The following PRKG2 variants were observed in gnomAD, a reference collection of about 807,000 sequenced individuals.
PRKG2 encodes the protein cGMP-dependent protein kinase 2.
A neutral mutation model predicts 97.2 loss-of-function variants in PRKG2; 33 were observed. The ratio of observed to expected loss-of-function variants is 0.34; its 90% CI spans 0.26 to 0.45. The LOEUF (loss-of-function observed/expected upper bound fraction) is 0.45, where lower values mean the gene tolerates loss of function less well. Among genes scored for constraint, PRKG2 ranks in the 20% least tolerant of loss-of-function variants. PRKG2 has a pLI of 1.00. For synonymous variants in PRKG2, 330 were observed against 321.8 expected (o/e 1.03, Z -0.27); for missense variants, 638 against 900.0 (o/e 0.71, Z 3.73).
At chr4:81,158,442 A>ATCCAACTT (rs1749305087) in intron 6 of PRKG2, among the ~76,000 whole-genome samples, 6 of 150,256 alleles carry the variant, frequency 4.0e-5, no homozygotes, top group African/African-American at 1.5e-4. Flanking sequence ...TGCTCAAGGA[A>ATCCAACTT]ATAAAAGAGG....
At position 81,204,836 on chromosome 4, in the gene PRKG2, T is replaced by C; in HGVS notation, c.212A>G (p.Glu71Gly). ...CAGCTGGATGCACTTGTTCTGGAGC[T>C]CCTCTGTGAGTTCAGCAATGGCCAC... ...QTVAIAELTE[E>G]LQNKCIQLNK... Residue 71 changes from glutamate to glycine, a missense_variant, in exon 2 of 19, where the codon GAG becomes GGG. Coordinates refer to ENST00000264399, the MANE Select transcript of PRKG2 (RefSeq NM_006259.3). The C allele has an allele frequency of 6.2e-7, 1 of 1,614,168 alleles. No homozygotes were observed. The highest frequency in any genetic ancestry group is 8.5e-7 in the Non-Finnish European group (1 of 1,180,020).
rs574321581 is a variant in PRKG2 at position 81,135,442 on chromosome 4, C to T, written c.1635-146G>A. The T allele has an allele frequency of 2.3e-5, 17 of 736,276 alleles. No homozygotes were observed. In the Admixed American group the frequency reaches 6.1e-4, roughly 26 times the overall value. 45.6% of individuals were successfully genotyped at this position (736,276 alleles called of 1,614,324 possible). On this transcript the variant is annotated intron_variant, in intron 13 of 18. Transcript: ENST00000264399. The stretch of plus-strand genomic sequence containing the variant: ...ACAATAAAATGTATTTTATACTACC[C>T]ATGAATTAAGCTGTTTGCAGATCAT...
upstream of PRKG2, among the ~76,000 whole-genome samples, chr4:81,216,918 TGTGTGTG>T (rs1754291817): frequency 6.7e-6 from 1 of 150,068 alleles, no homozygotes; most frequent in African/African-American, 2.5e-5. Flanking sequence ...TGTGTGTGTG[TGTGTGTG>T]TGTGTGTAGT....
chr4:81,213,897 G>A (rs1025019363), intron 1 of PRKG2, among the ~76,000 whole-genome samples: 2 of 152,024 alleles, frequency 1.3e-5, no homozygotes, highest in African/African-American at 2.4e-5. Context: ...TTTTCAGGTC[G>A]TTTATTCTTA....
At chr4:81,091,264 A>C (rs1338094041) in intron 18 of PRKG2, among the ~76,000 whole-genome samples, 1 of 151,590 alleles carries the variant, frequency 6.6e-6, no homozygotes, top group African/African-American at 2.4e-5. Context: ...ATGAAGTAAC[A>C]GTAGTGTTTT....
chr4:81,093,360 AACACACACACAC>A (rs60004845), intron 17 of PRKG2, among the ~76,000 whole-genome samples: 2,334 of 116,374 alleles, frequency 0.02, 59 homozygotes, highest in African/African-American at 0.061. Flanking sequence ...CTCCCCCACC[AACACACACACAC>A]ACACACACAC....
intron 14 of PRKG2, among the ~76,000 whole-genome samples, chr4:81,119,462 G>C (rs1457335199): frequency 6.6e-6 from 1 of 152,070 alleles, no homozygotes; most frequent in Non-Finnish European, 1.5e-5. Flanking sequence ...TTGTTCCATT[G>C]ATCTATTTGT....
intron 2 of PRKG2, among the ~76,000 whole-genome samples, chr4:81,189,764 GAAT>G (rs988216303): frequency 1.0e-5 from 1 of 98,992 alleles, no homozygotes; most frequent in Non-Finnish European, 1.7e-5. Context: ...AGTATAATAA[GAAT>G]AATAATAAAA....
chr4:81,215,280 G>C (rs1277273252), upstream of PRKG2, among the ~76,000 whole-genome samples: 1 of 152,222 alleles, frequency 6.6e-6, no homozygotes, highest in Non-Finnish European at 1.5e-5. Context: ...GAGGGGGTCA[G>C]CCGGGGCTAC....
chr4:81,096,752 T>C (rs1192103935), intron 17 of PRKG2, among the ~76,000 whole-genome samples: 2 of 152,214 alleles, frequency 1.3e-5, no homozygotes, highest in African/African-American at 2.4e-5. Context: ...CATCATTAGA[T>C]TGCAACATTC....
intron 8 of PRKG2, 138 bp from the exon 9 acceptor site, chr4:81,149,090 T>A (rs1424306196): frequency 1.3e-6 from 1 of 752,008 alleles, no homozygotes; most frequent in Non-Finnish European, 2.3e-6. Flanking sequence ...TTAAACATCA[T>A]AATTTATATC....
chr4:81,160,336 A>G (rs1012765415), intron 6 of PRKG2, among the ~76,000 whole-genome samples: 1 of 152,108 alleles, frequency 6.6e-6, no homozygotes, highest in African/African-American at 2.4e-5. Context: ...TATTATCTGC[A>G]CTTATGTTTT....
Position 81,174,934 on chromosome 4 carries a change from G to C in PRKG2, c.487C>G (p.Leu163Val). The C allele has an allele frequency of 6.2e-7, 1 of 1,611,534 alleles. No homozygotes were observed. The highest frequency in any genetic ancestry group is 8.5e-7 in the Non-Finnish European group (1 of 1,178,406). The change falls in exon 3 of 19, where the codon CTT becomes GTT. Residue 163 changes from leucine to valine, a missense_variant. By Grantham distance (32) the Leu-to-Val change is conservative (BLOSUM62 1). This residue lies in a region of PRKG2 where 332 missense variants were observed against 421.7 expected (regional missense o/e 0.79). Coordinates refer to ENST00000264399, the MANE Select transcript of PRKG2 (RefSeq NM_006259.3). ...SSEKKLITDA[L>V]NKNQFLKRLD... ...CTTTTCAGAAACTGATTTTTATTAA[G>C]GGCATCTGTAATGAGCTTCTTCTCA...
intron 6 of PRKG2, among the ~76,000 whole-genome samples, chr4:81,162,591 G>T (rs1032871281): frequency 6.6e-6 from 1 of 152,142 alleles, no homozygotes; most frequent in African/African-American, 2.4e-5. Flanking sequence ...ACAAACTTCT[G>T]TTTTATTTAA....
At chr4:81,171,070 A>G (rs1438490057) in intron 4 of PRKG2, among the ~76,000 whole-genome samples, 1 of 152,096 alleles carries the variant, frequency 6.6e-6, no homozygotes, top group Non-Finnish European at 1.5e-5. Context: ...TTTCATAGAT[A>G]AACGTGTGCT....
At chr4:81,156,377 T>C (rs890157227) in intron 6 of PRKG2, among the ~76,000 whole-genome samples, 2 of 152,182 alleles carry the variant, frequency 1.3e-5, no homozygotes, top group African/African-American at 4.8e-5. Flanking sequence ...CAAGAAGAGC[T>C]AACTATCCTA....
chr4:81,162,855 AAGCTCTCCTGTTCCCATCAC>A (rs1356033710), intron 6 of PRKG2, among the ~76,000 whole-genome samples: 1 of 152,124 alleles, frequency 6.6e-6, no homozygotes, highest in Non-Finnish European at 1.5e-5. Flanking sequence ...TCTGCTCTTC[AAGCTCTCCTGTTCCCATCAC>A]AATTTCAGTC....
intron 12 of PRKG2, among the ~76,000 whole-genome samples, chr4:81,139,383 C>T (rs1747025909): frequency 6.6e-6 from 1 of 152,052 alleles, no homozygotes; most frequent in African/African-American, 2.4e-5. Flanking sequence ...TCAAACTATT[C>T]CTCAATAATT....
intron 6 of PRKG2, among the ~76,000 whole-genome samples, chr4:81,159,297 C>T (rs867497879): frequency 1.3e-5 from 2 of 151,916 alleles, no homozygotes; most frequent in Non-Finnish European, 2.9e-5. Context: ...AAGTGGGCAA[C>T]GGATATGAAC....
Sources: gnomAD v4.1 joint callset for allele counts (sites outside exome capture counted in the v4.1 genomes callset) on GRCh38, gnomAD v4.1.1 for gene constraint, gnomAD v4.1.1 regional missense constraint, MANE v1.5 for transcripts, NCBI Gene and HGNC (gene_info 2026-07-23, HGNC 2026-07-21) for gene names.